Variants in ZNF423 observed in about 807,000 individuals in gnomAD.
The protein encoded by ZNF423 is zinc finger protein 423.
In ZNF423, 12 loss-of-function variants were observed where a neutral mutation model predicts 95.8. The ratio of observed to expected loss-of-function variants is 0.13; its 90% confidence interval spans 0.08 to 0.20. ZNF423 has a LOEUF of 0.20. Ranked by LOEUF, ZNF423 falls within the 10% of genes least tolerant of loss-of-function variation. ZNF423 has a pLI of 1.00. For missense variants in ZNF423, 1,316 were observed against 1,737.1 expected, an observed-to-expected ratio of 0.76 and a Z score of 4.31; for synonymous variants, 749 against 711.9, an observed-to-expected ratio of 1.05 and a Z score of -0.83.
chr16:49,503,310 G>A (rs1017820561), intron 7 of ZNF423, among the ~76,000 whole-genome samples: 8 of 152,080 alleles, frequency 5.3e-5, no homozygotes, highest in Non-Finnish European at 1.0e-4. Flanking sequence ...TTGTCTCCTC[G>A]AGGAGGCAGA....
chr16:49,756,152 G>A (rs2143605084), intron 2 of ZNF423, among the ~76,000 whole-genome samples: 1 of 152,252 alleles, frequency 6.6e-6, no homozygotes, highest in East Asian at 1.9e-4. Flanking sequence ...AGAGATGACT[G>A]GAAGGTTTCA....
intron 2 of ZNF423, among the ~76,000 whole-genome samples, chr16:49,777,318 C>T (rs2034138153): frequency 6.6e-6 from 1 of 152,170 alleles, no homozygotes; most frequent in African/African-American, 2.4e-5. Context: ...TGTGTACCTA[C>T]ATGTGTGTGA....
rs57071186 is a variant in ZNF423 at position 49,508,139 on chromosome 16, T to C, written c.3849+15485A>G. Among the ~76,000 whole-genome samples the C allele has an allele frequency of 0.011, 1,663 of 152,274 alleles. 80 individuals are homozygous for C. The East Asian group carries it at 0.13, about 12-fold the overall frequency. Reference sequence around the variant, plus strand: ...AGGCATTGTGAGGATCAAATGTTTTTATGCCTACCAGTGCTAAGAACAATG... The same window carrying C: ...AGGCATTGTGAGGATCAAATGTTTTCATGCCTACCAGTGCTAAGAACAATG... On this transcript the variant is annotated intron_variant, in intron 7 of 7. Coordinates refer to ENST00000563137, the MANE Select transcript of ZNF423 (RefSeq NM_001379286.1).
At chr16:49,660,024 A>T in intron 3 of ZNF423, among the ~76,000 whole-genome samples, 1 of 152,200 alleles carries the variant, frequency 6.6e-6, no homozygotes, top group East Asian at 1.9e-4. Flanking sequence ...CTCCACCCGC[A>T]ATATACCTCT....
chr16:49,665,989 C>T (rs924164543), intron 3 of ZNF423, among the ~76,000 whole-genome samples: 10 of 152,164 alleles, frequency 6.6e-5, no homozygotes, highest in African/African-American at 2.2e-4. Context: ...CCCGAGTGGG[C>T]CCCGGAACAC....
At chr16:49,651,536 C>A (rs1973404268) in intron 3 of ZNF423, among the ~76,000 whole-genome samples, 1 of 152,166 alleles carries the variant, frequency 6.6e-6, no homozygotes, top group African/African-American at 2.4e-5. Flanking sequence ...GGCAGCAGGG[C>A]TTAGACTCCC....
chr16:49,602,637 G>C (rs1054456430), intron 5 of ZNF423, among the ~76,000 whole-genome samples: 1 of 152,204 alleles, frequency 6.6e-6, no homozygotes. Context: ...CGCAGGCCCA[G>C]GGCACAGGCT....
At chr16:49,719,101 A>T (rs767122509) in intron 3 of ZNF423, among the ~76,000 whole-genome samples, 5 of 152,172 alleles carry the variant, frequency 3.3e-5, no homozygotes, top group Non-Finnish European at 5.9e-5. Context: ...CAATTTTCAG[A>T]TCTTTATGCC....
Position 49,623,049 on chromosome 16 carries a change from G to A in ZNF423, c.3601+3121C>T, listed in dbSNP as rs1450419329. Among the ~76,000 whole-genome samples the A allele has an allele frequency of 2.0e-5, 3 of 152,214 alleles. No individual in the cohort carries two copies. The East Asian group carries it at 5.8e-4, about 29-fold the overall frequency. On this transcript the variant is annotated intron_variant, in intron 5 of 7. Transcript: ENST00000563137. The stretch of plus-strand genomic sequence containing the variant: ...GGGTTGATGAGGCTCGGGGAGGGCA[G>A]GCAGGTAGGGAGTGCAGGTTAGAGC...
chr16:49,746,660 T>C (rs1320726528), intron 2 of ZNF423, among the ~76,000 whole-genome samples: 1 of 152,060 alleles, frequency 6.6e-6, no homozygotes, highest in Non-Finnish European at 1.5e-5. Context: ...GCATTTTTAG[T>C]AGAAATGGGG....
At chr16:49,722,584 A>G (rs2032897424) in intron 3 of ZNF423, among the ~76,000 whole-genome samples, 1 of 152,168 alleles carries the variant, frequency 6.6e-6, no homozygotes, top group South Asian at 2.1e-4. Context: ...TACCCTTCTG[A>G]TTATACATTA....
intron 3 of ZNF423, among the ~76,000 whole-genome samples, chr16:49,678,395 G>A (rs1427436563): frequency 2.0e-5 from 3 of 152,076 alleles, no homozygotes; most frequent in Non-Finnish European, 2.9e-5. Context: ...TGGGGCGTTC[G>A]AGCTCTGTAT....
chr16:49,858,979 G>A (rs1045813864), upstream of ZNF423, among the ~76,000 whole-genome samples: 1 of 152,202 alleles, frequency 6.6e-6, no homozygotes, highest in Non-Finnish European at 1.5e-5. The surrounding 1 kb of genome is among the most constrained non-coding windows in gnomAD (Gnocchi z 4.3). Flanking sequence ...GGCTGCCTCT[G>A]CTAGAGGTAG....
chr16:49,565,095 A>G (rs769139184), intron 5 of ZNF423, among the ~76,000 whole-genome samples: 3 of 152,108 alleles, frequency 2.0e-5, no homozygotes, highest in Non-Finnish European at 2.9e-5. Flanking sequence ...GTTCTAATAC[A>G]CTTCATTCTG....
chr16:49,496,158 C>G (rs146018700), intron 7 of ZNF423, among the ~76,000 whole-genome samples: 1 of 152,234 alleles, frequency 6.6e-6, no homozygotes, highest in African/African-American at 2.4e-5. Flanking sequence ...AGATGGGCTA[C>G]GCCTTGGGTT....
chr16:49,815,871 A>AAAC (rs1555488137), intron 1 of ZNF423, among the ~76,000 whole-genome samples: 4 of 25,834 alleles, frequency 1.5e-4, no homozygotes, highest in African/African-American at 7.2e-4. Context: ...CCAAACAAAC[A>AAAC]AAAAAAAAAA....
chr16:49,725,766 G>C (rs2032996190), intron 3 of ZNF423, among the ~76,000 whole-genome samples: 2 of 152,214 alleles, frequency 1.3e-5, no homozygotes, highest in Non-Finnish European at 2.9e-5. Context: ...CTTCACTGCA[G>C]TGTGGAGGAG....
intron 1 of ZNF423, among the ~76,000 whole-genome samples, chr16:49,852,884 G>A (rs1372489669): frequency 1.3e-5 from 2 of 152,108 alleles, no homozygotes; most frequent in African/African-American, 2.4e-5. Context: ...GGGAGGTTGT[G>A]TCCGTGAGTG....
rs181178120 is a variant in ZNF423, at chr16:49,521,083, G to A, written c.3849+2541C>T. Among the ~76,000 whole-genome samples, 380 of 152,264 alleles carry A rather than the reference G, an allele frequency of 2.5e-3. 6 individuals carry two copies. The highest frequency in any genetic ancestry group is 8.6e-3 in the African/African-American group (358 of 41,554). On this transcript the variant is annotated intron_variant, in intron 7 of 7. Transcript: ENST00000563137. ...CCCACAGCTCGAGATAGGTGGGATC[G>A]AAGCAAGATCCAGATTGAAAGCAGC...
Sources: allele counts gnomAD v4.1 joint callset (sites outside exome capture counted in the v4.1 genomes callset), GRCh38; gene constraint gnomAD v4.1.1; non-coding constraint Gnocchi (gnomAD v3.1); transcripts MANE v1.5; gene names NCBI Gene and HGNC (gene_info 2026-07-23, HGNC 2026-07-21).